Variants in BCL2L1 observed in about 807,000 individuals in gnomAD.
BCL2L1 encodes the protein bcl-2-like protein 1.
Under a neutral mutation model 18.7 loss-of-function variants are expected in BCL2L1, and 1 was observed. The ratio of observed to expected loss-of-function variants is 0.05; its 90% confidence interval spans 0.02 to 0.25. BCL2L1 has a LOEUF of 0.25. Ranked by LOEUF, BCL2L1 falls within the 10% of genes least tolerant of loss-of-function variation. The pLI is 1.00. For synonymous variants in BCL2L1, 103 were observed against 122.7 expected (o/e 0.84, Z 1.06); for missense variants, 207 against 304.9 (o/e 0.68, Z 2.39).
upstream of BCL2L1, chr20:31,723,785 T>C: frequency 2.1e-5 from 21 of 985,382 alleles, no homozygotes; most frequent in Non-Finnish European, 2.3e-5. Context: ...ATCGGCCCGG[T>C]AGCTTCCAGA....
chr20:31,676,898 C>T (rs909806508), intron 2 of BCL2L1, among the ~76,000 whole-genome samples: 11 of 152,174 alleles, frequency 7.2e-5, no homozygotes, highest in Non-Finnish European at 1.6e-4. Context: ...GAAAACTCTT[C>T]CCTGTCAGGG....
At chr20:31,707,679 G>C (rs895547132) in intron 2 of BCL2L1, among the ~76,000 whole-genome samples, 4 of 151,580 alleles carry the variant, frequency 2.6e-5, no homozygotes, top group Non-Finnish European at 4.4e-5. Context: ...TCGGGAGGCT[G>C]AGGCAGGAGA....
chr20:31,678,574 A>T (rs2060801184), intron 2 of BCL2L1, among the ~76,000 whole-genome samples: 1 of 152,172 alleles, frequency 6.6e-6, no homozygotes, highest in Non-Finnish European at 1.5e-5. Flanking sequence ...CAACATTCTG[A>T]AGTAGGAGAA....
chr20:31,713,362 G>C, intron 2 of BCL2L1: 1 of 985,386 alleles, frequency 1.0e-6, no homozygotes, highest in Non-Finnish European at 1.2e-6. Flanking sequence ...TGGACAAGAG[G>C]AAAGGCAGGG....
At chr20:31,702,946 CAAA>C (rs750992536) in intron 2 of BCL2L1, among the ~76,000 whole-genome samples, 1 of 79,340 alleles carries the variant, frequency 1.3e-5, no homozygotes. Flanking sequence ...GACTCCATCT[CAAA>C]AAAAAAAAAA....
In BCL2L1 at chr20:31,670,894, G is replaced by A. The variant is rs563887126; in HGVS notation, c.565-4808C>T. On this transcript the variant is annotated intron_variant, in intron 2 of 2. Coordinates refer to ENST00000307677, the MANE Select transcript of BCL2L1 (RefSeq NM_138578.3). ...CTGCTCTGGATAAATAAACAGGATT[G>A]CAGAGCAGCCCTGGTCTGGAAAAGC... 3.5e-4 allele frequency among the ~76,000 whole-genome samples: 53 copies of A among 152,280 alleles called. 1 individual carries two copies. The South Asian group carries it at 0.011, about 32-fold the overall frequency.
At chr20:31,716,426 TC>T (rs1259713949) in intron 2 of BCL2L1, among the ~76,000 whole-genome samples, 1 of 152,186 alleles carries the variant, frequency 6.6e-6, no homozygotes, top group African/African-American at 2.4e-5. Flanking sequence ...GAATGTGAGC[TC>T]CATGAGGACA....
intron 2 of BCL2L1, among the ~76,000 whole-genome samples, chr20:31,695,502 T>C (rs2061152505): frequency 2.0e-5 from 3 of 152,254 alleles, no homozygotes; most frequent in Non-Finnish European, 4.4e-5. Flanking sequence ...GGTCTTGCTC[T>C]GTCAGCCAGA....
chr20:31,669,992 G>A (rs1373096881), intron 2 of BCL2L1, among the ~76,000 whole-genome samples: 1 of 152,030 alleles, frequency 6.6e-6, no homozygotes, highest in Non-Finnish European at 1.5e-5. Context: ...TAGCAGAGTC[G>A]GGATCAAACT....
At chr20:31,722,500 T>G in intron 1 of BCL2L1, 118 bp downstream of exon 1, 1 of 279,548 alleles carries the variant, frequency 3.6e-6, no homozygotes, top group Non-Finnish European at 6.6e-6. Flanking sequence ...AAAGCACCAG[T>G]GGACTCTGAA....
intron 2 of BCL2L1, among the ~76,000 whole-genome samples, chr20:31,703,187 G>C (rs750697276): frequency 2.7e-4 from 41 of 151,474 alleles, no homozygotes; most frequent in Non-Finnish European, 5.4e-4. Flanking sequence ...TGGCATCACA[G>C]GCATGAGCCA....
chr20:31,696,819 G>C (rs970494204), intron 2 of BCL2L1, among the ~76,000 whole-genome samples: 5 of 152,128 alleles, frequency 3.3e-5, no homozygotes, highest in Admixed American at 3.3e-4. Flanking sequence ...ACTTTGGGAA[G>C]CCGAGGCGGG....
At chr20:31,706,273 C>T (rs2061367309) in intron 2 of BCL2L1, among the ~76,000 whole-genome samples, 1 of 152,212 alleles carries the variant, frequency 6.6e-6, no homozygotes, top group African/African-American at 2.4e-5. Flanking sequence ...TTAATACTCA[C>T]TTCTACTTCC....
At chr20:31,710,301 A>G (rs2061434420) in intron 2 of BCL2L1, among the ~76,000 whole-genome samples, 3 of 152,200 alleles carry the variant, frequency 2.0e-5, no homozygotes, top group Non-Finnish European at 4.4e-5. Context: ...AATGATAAGA[A>G]GAGAGAGAGC....
chr20:31,694,757 G>A (rs1010584950), intron 2 of BCL2L1, among the ~76,000 whole-genome samples: 2 of 152,126 alleles, frequency 1.3e-5, no homozygotes, highest in African/African-American at 4.8e-5. Context: ...AGGAAACTAA[G>A]GCTTGGCAAA....
At chr20:31,666,533 G>C (rs1376095186) in intron 2 of BCL2L1, among the ~76,000 whole-genome samples, 1 of 152,132 alleles carries the variant, frequency 6.6e-6, no homozygotes, top group East Asian at 1.9e-4. Context: ...AGTGTGGAGT[G>C]TGGAGCCACT....
intron 2 of BCL2L1, among the ~76,000 whole-genome samples, chr20:31,689,495 A>C (rs1230707899): frequency 6.6e-5 from 10 of 151,848 alleles, no homozygotes; most frequent in Admixed American, 5.9e-4. Context: ...GGAAGAAACA[A>C]GGGAAGGTAG....
chr20:31,720,863 C>T, intron 2 of BCL2L1: 2 of 985,358 alleles, frequency 2.0e-6, no homozygotes, highest in African/African-American at 1.7e-5. Flanking sequence ...TTGAAGAGGC[C>T]CCTGGGCTCT....
chr20:31,723,268 C>G (rs949838282), upstream of BCL2L1: 17 of 985,568 alleles, frequency 1.7e-5, no homozygotes, highest in Non-Finnish European at 1.9e-5. Flanking sequence ...ATTGCCGGGT[C>G]CTCCATTCCC....
Sources: allele counts gnomAD v4.1 joint callset (sites outside exome capture counted in the v4.1 genomes callset), GRCh38; gene constraint gnomAD v4.1.1; transcripts MANE v1.5; gene names NCBI Gene and HGNC (gene_info 2026-07-23, HGNC 2026-07-21).